Variants in NEK1 observed in about 807,000 individuals in gnomAD.
NEK1 encodes serine/threonine-protein kinase Nek1.
A neutral mutation model predicts 182.1 loss-of-function variants in NEK1; 137 were observed. The observed-to-expected ratio is 0.75, with a 90% CI of 0.65 to 0.87. The LOEUF (loss-of-function observed/expected upper bound fraction) is 0.87, where lower values mean the gene tolerates loss of function less well. Among genes scored for constraint, NEK1 ranks in the 40% least tolerant of loss-of-function variants. The probability of loss-of-function intolerance (pLI) is 0.00; values close to 1 mark genes in which losing one functional copy is unlikely to be tolerated. For synonymous variants in NEK1, 513 were observed against 492.2 expected (o/e 1.04, Z -0.56); for missense variants, 1,391 against 1,494.4 (o/e 0.93, Z 1.14).
chr4:169,433,802 C>G (rs1261194524), intron 28 of NEK1, 137 bp from the exon 29 acceptor site: 2 of 814,808 alleles, frequency 2.5e-6, no homozygotes, highest in African/African-American at 3.4e-5. Flanking sequence ...AGTATTCTCT[C>G]TATAGGGTTT....
chr4:169,491,162 A>AAGAG (rs1554047306), intron 23 of NEK1, among the ~76,000 whole-genome samples: 4,589 of 122,762 alleles, frequency 0.037, 267 homozygotes, highest in African/African-American at 0.063. Flanking sequence ...AAAAAAAAAA[A>AAGAG]AGAGAGATGG....
intron 2 of NEK1, among the ~76,000 whole-genome samples, chr4:169,605,789 G>T (rs1389700455): frequency 6.6e-6 from 1 of 152,016 alleles, no homozygotes; most frequent in Non-Finnish European, 1.5e-5. Context: ...TGTTCTTAAG[G>T]TCTCTAATAA....
At chr4:169,456,278 T>C (rs1032274979) in intron 27 of NEK1, among the ~76,000 whole-genome samples, 1 of 151,970 alleles carries the variant, frequency 6.6e-6, no homozygotes, top group Non-Finnish European at 1.5e-5. Context: ...AAACTTCAAG[T>C]AGACAATCTA....
chr4:169,489,520 TG>T (rs929347607), intron 23 of NEK1, among the ~76,000 whole-genome samples: 9 of 152,202 alleles, frequency 5.9e-5, no homozygotes, highest in African/African-American at 2.2e-4. Flanking sequence ...GTGGAGTCAT[TG>T]TTGTGCTATT....
intron 27 of NEK1, among the ~76,000 whole-genome samples, chr4:169,438,478 A>G (rs987211283): frequency 1.3e-5 from 2 of 152,178 alleles, no homozygotes; most frequent in Admixed American, 6.5e-5. Context: ...AAAATGGTTT[A>G]CCTTCTTTCT....
At chr4:169,514,500 G>A (rs1342669340) in intron 19 of NEK1, among the ~76,000 whole-genome samples, 1 of 152,042 alleles carries the variant, frequency 6.6e-6, no homozygotes, top group Non-Finnish European at 1.5e-5. Flanking sequence ...AACCATCTAG[G>A]CCCAGAGATT....
chr4:169,547,246 G>C (rs1410751442), intron 18 of NEK1, among the ~76,000 whole-genome samples: 1 of 152,124 alleles, frequency 6.6e-6, no homozygotes, highest in Non-Finnish European at 1.5e-5. Context: ...TAGTTTGGCT[G>C]GATATGAAAT....
chr4:169,407,381 C>A (rs921441987), intron 31 of NEK1, among the ~76,000 whole-genome samples: 2 of 152,182 alleles, frequency 1.3e-5, no homozygotes, highest in Admixed American at 6.5e-5. Context: ...GGCCTCAAAT[C>A]AGTGCAGAGA....
chr4:169,460,597 C>A (rs1425761507), intron 27 of NEK1, among the ~76,000 whole-genome samples: 1 of 151,836 alleles, frequency 6.6e-6, no homozygotes, highest in Non-Finnish European at 1.5e-5. Flanking sequence ...ACAAAAAAAA[C>A]CCACTATGTA....
At chr4:169,595,847 C>T (rs368201697) in intron 5 of NEK1, among the ~76,000 whole-genome samples, 5 of 138,562 alleles carry the variant, frequency 3.6e-5, no homozygotes, top group South Asian at 4.6e-4. Context: ...GGCGTGAACC[C>T]GGGAGGCAGA....
chr4:169,537,807 A>G lies in NEK1; in HGVS notation c.1665+2T>C, dbSNP rs1220919962. Reference sequence around the variant, plus strand: ...AATCTCAGAAACAAACAAAATTCATACCATATGTCCTTCGGCTCGAGCTTT... The same window carrying G: ...AATCTCAGAAACAAACAAAATTCATGCCATATGTCCTTCGGCTCGAGCTTT... On this transcript the variant is annotated splice_donor_variant, in intron 19 of 35. Transcript: ENST00000507142. LOFTEE classifies it high-confidence loss of function. 3.1e-6 allele frequency: 5 copies of G among 1,608,076 alleles called. No individual in the cohort carries two copies. The highest frequency in any genetic ancestry group is 4.3e-6 in the Non-Finnish European group (5 of 1,174,990).
At chr4:169,505,038 A>T (rs1258685573) in intron 23 of NEK1, among the ~76,000 whole-genome samples, 1 of 149,000 alleles carries the variant, frequency 6.7e-6, no homozygotes, top group Non-Finnish European at 1.5e-5. Context: ...GTAAAAAAAA[A>T]ATTTTTTTTA....
At chr4:169,445,865 T>TATATATATATATATATATACACACAC (rs569539235) in intron 27 of NEK1, among the ~76,000 whole-genome samples, 1 of 143,218 alleles carries the variant, frequency 7.0e-6, no homozygotes, top group African/African-American at 2.8e-5. Context: ...TATATATATA[T>TATATATATATATATATATACACACAC]ACACACACAC....
chr4:169,396,977 T>C (rs1329319467), intron 35 of NEK1, among the ~76,000 whole-genome samples: 2 of 152,228 alleles, frequency 1.3e-5, no homozygotes, highest in African/African-American at 4.8e-5. Context: ...ACACCTGTAA[T>C]CCTAACACTT....
rs142363895 is a variant in NEK1 at position 169,546,841 on chromosome 4, A to T, written c.1562+8879T>A. Among the ~76,000 whole-genome samples the T allele has an allele frequency of 1.9e-3, 291 of 152,102 alleles. 4 individuals are homozygous for T. The East Asian group carries it at 0.053, about 27-fold the overall frequency. ...CCATTTGCTTGGTAAATATTCCTCC[A>T]TCCCTTTATTTTGAGCCTACACGTG... On this transcript the variant is annotated intron_variant, in intron 18 of 35. Transcript: ENST00000507142.
At chr4:169,559,376 T>C (rs1346030368) in intron 16 of NEK1, among the ~76,000 whole-genome samples, 1 of 152,202 alleles carries the variant, frequency 6.6e-6, no homozygotes, top group Non-Finnish European at 1.5e-5. Context: ...TTCTAAGTCA[T>C]TCCTGATCAT....
At chr4:169,572,518 GT>G (rs1765033877) in intron 12 of NEK1, among the ~76,000 whole-genome samples, 2 of 152,152 alleles carry the variant, frequency 1.3e-5, no homozygotes, top group African/African-American at 2.4e-5. Context: ...CAGGAAAGGA[GT>G]CCAAGGTGGA....
At chr4:169,428,373 A>T (rs993963185) in intron 29 of NEK1, among the ~76,000 whole-genome samples, 1 of 23,642 alleles carries the variant, frequency 4.2e-5, no homozygotes, top group Admixed American at 6.2e-4. Flanking sequence ...TATATATATA[A>T]TGGAATATTA....
At chr4:169,404,037 TAA>T (rs1195866326) in intron 32 of NEK1, among the ~76,000 whole-genome samples, 1 of 151,490 alleles carries the variant, frequency 6.6e-6, no homozygotes, top group African/African-American at 2.4e-5. Flanking sequence ...AATTGTTCAT[TAA>T]AAGAACACAT....
Sources: gnomAD v4.1 joint callset for allele counts (sites outside exome capture counted in the v4.1 genomes callset) on GRCh38, gnomAD v4.1.1 for gene constraint, MANE v1.5 for transcripts, NCBI Gene and HGNC (gene_info 2026-07-23, HGNC 2026-07-21) for gene names.